CEACAM19: variants seen among roughly 807,000 people sequenced by gnomAD.
The protein encoded by CEACAM19 is cell adhesion molecule CEACAM19.
CEACAM19 carries 37 observed loss-of-function variants against 37.6 expected under a neutral mutation model. The ratio of observed to expected loss-of-function variants is 0.98; its 90% CI spans 0.76 to 1.29. The LOEUF (loss-of-function observed/expected upper bound fraction) is 1.29. Ranked by LOEUF, CEACAM19 falls within the 50% of genes most tolerant of loss-of-function variation. CEACAM19 has a pLI of 0.00. For synonymous variants in CEACAM19, 140 were observed against 149.8 expected (o/e 0.93, Z 0.48); for missense variants, 340 against 375.6 (o/e 0.91, Z 0.78).
chr19:44,669,727 C>T (rs1599784720), upstream of CEACAM19, among the ~76,000 whole-genome samples: 1 of 152,248 alleles, frequency 6.6e-6, no homozygotes, highest in African/African-American at 2.4e-5. Flanking sequence ...TCTACTCTTA[C>T]TCCAGGTCTC....
chr19:44,683,055 A>ACTCTCT (rs3028346), intron 7 of CEACAM19: 311 of 150,946 alleles, frequency 2.1e-3, no homozygotes, highest in African/African-American at 7.4e-3. Flanking sequence ...CCTTTCTTGG[A>ACTCTCT]CTCTCTCTCT....
chr19:44,666,702 C>T (rs1407731692), upstream of CEACAM19, among the ~76,000 whole-genome samples: 2 of 151,978 alleles, frequency 1.3e-5, no homozygotes, highest in African/African-American at 4.8e-5. Flanking sequence ...CCCCACGAAC[C>T]CAGCATGAAA....
chr19:44,683,055 A>ACT (rs3028346), intron 7 of CEACAM19: 5,387 of 150,562 alleles, frequency 0.036, 167 homozygotes, highest in African/African-American at 0.094. Context: ...CCTTTCTTGG[A>ACT]CTCTCTCTCT....
At position 44,672,422 on chromosome 19, in the gene CEACAM19, C is replaced by G. The variant is rs375998980; in HGVS notation, c.56-174C>G. 4 of 651,964 alleles carry G rather than the reference C, an allele frequency of 6.1e-6. No individual in the cohort carries two copies. In the East Asian group the frequency reaches 1.2e-4, roughly 19 times the overall value. The allele number at this position is 651,964 out of a possible 1,614,324, so 40.4% of individuals were successfully genotyped here. A position where few individuals can be genotyped will look rare whatever the true frequency, so the allele number is the denominator to read the frequency against. On this transcript the variant is annotated intron_variant, in intron 1 of 7. Coordinates refer to ENST00000358777, the MANE Select transcript of CEACAM19 (RefSeq NM_001127893.3). ...GGATGGCAAATCTGTGGTAACCATG[C>G]CTGTGTTCCCACTCCTGCACCCAGG... is the stretch of plus-strand genomic sequence containing the variant.
Position 44,672,784 on chromosome 19 carries a change from C to G in CEACAM19, c.244C>G (p.Pro82Ala). The change falls in exon 2 of 8, where the codon CCT (proline) becomes GCT (alanine). Residue 82 changes from proline (P) to alanine (A), a missense_variant. Pro to Ala is a conservative substitution (Grantham distance 27, BLOSUM62 -1). Coordinates refer to ENST00000358777, the MANE Select transcript of CEACAM19 (RefSeq NM_001127893.3). ...YGGTRLFTYIPGIQRPQRDGS... is the reference protein window; with the variant it reads ...YGGTRLFTYIAGIQRPQRDGS... ...AGGCACGAGGCTATTTACCTACATC[C>G]CTGGGATACAACGGCCTCAGAGGGA... 1.3e-6 allele frequency: 2 copies of G among 1,584,262 alleles called. No individual in the cohort carries two copies. Among genetic ancestry groups the G allele is most frequent in the Non-Finnish European group, 1.7e-6 (2 of 1,164,644 alleles).
chr19:44,667,717 A>G (rs1450874278), upstream of CEACAM19, among the ~76,000 whole-genome samples: 2 of 76,726 alleles, frequency 2.6e-5, no homozygotes, highest in Non-Finnish European at 4.4e-5. Flanking sequence ...ATAAATATAT[A>G]TAAATTATAT....
upstream of CEACAM19, among the ~76,000 whole-genome samples, chr19:44,668,034 AT>A (rs1244875465): frequency 1.2e-5 from 1 of 85,584 alleles, no homozygotes; most frequent in African/African-American, 4.8e-5. Context: ...TATATATTAT[AT>A]ATTTATATGT....
chr19:44,676,336 A>AT lies in CEACAM19; in HGVS notation c.492dup (p.Gly165TrpfsTer70). The AT allele has an allele frequency of 6.2e-7, 1 of 1,614,084 alleles. No homozygotes were observed. On this transcript the variant is annotated frameshift_variant, in exon 3 of 8. Coordinates refer to ENST00000358777, the MANE Select transcript of CEACAM19 (RefSeq NM_001127893.3). LOFTEE classifies it high-confidence loss of function. ...CGCTGGGATCCTGGCGGCCACCATC[A>AT]TTGGATCTCTTGCTGCCGGGGCCCT...
upstream of CEACAM19, among the ~76,000 whole-genome samples, chr19:44,667,591 AT>A (rs1436809373): frequency 2.1e-4 from 23 of 110,256 alleles, 1 homozygote; most frequent in South Asian, 4.7e-3. Flanking sequence ...ATATGTATAT[AT>A]TTTTATATAT....
At chr19:44,672,471 G>T in intron 1 of CEACAM19, 125 bp from the exon 2 acceptor site, 1 of 1,066,166 alleles carries the variant, frequency 9.4e-7, no homozygotes. Flanking sequence ...ATCAATCCCA[G>T]CATTGTTTCC....
At chr19:44,679,630 T>C (rs1974018020) in intron 4 of CEACAM19, among the ~76,000 whole-genome samples, 1 of 152,124 alleles carries the variant, frequency 6.6e-6, no homozygotes, top group African/African-American at 2.4e-5. Flanking sequence ...GTGCCTGTAG[T>C]CCCAGCTACT....
intron 5 of CEACAM19, 69 bp from the exon 6 acceptor site, chr19:44,681,158 T>G: frequency 9.9e-7 from 1 of 1,008,340 alleles, no homozygotes; most frequent in Non-Finnish European, 1.6e-6. Flanking sequence ...TAAATGAATG[T>G]CAACAGGCAG....
intron 3 of CEACAM19, 140 bp from the exon 4 acceptor site, chr19:44,678,713 T>A (rs1205552633): frequency 1.1e-5 from 14 of 1,243,066 alleles, no homozygotes; most frequent in Non-Finnish European, 1.4e-5. Context: ...GCCCAATTAC[T>A]ATTTTTTTAC....
At chr19:44,679,550 C>G (rs1974016453) in intron 4 of CEACAM19, among the ~76,000 whole-genome samples, 1 of 152,086 alleles carries the variant, frequency 6.6e-6, no homozygotes, top group African/African-American at 2.4e-5. Context: ...GAAATCGAGA[C>G]CATCCTGGCT....
At chr19:44,681,822 C>T (rs1162869867) in intron 6 of CEACAM19, among the ~76,000 whole-genome samples, 1 of 151,140 alleles carries the variant, frequency 6.6e-6, no homozygotes, top group Non-Finnish European at 1.5e-5. Context: ...CCCAGTTACT[C>T]GGGAGGCTGA....
chr19:44,683,355 C>G (rs1599794971), intron 7 of CEACAM19, 82 bp from the exon 8 acceptor site: 1 of 622,274 alleles, frequency 1.6e-6, no homozygotes, highest in Non-Finnish European at 2.9e-6. Flanking sequence ...CACGCTGTCT[C>G]TCATCCTCTG....
At chr19:44,666,605 G>A (rs1367365159), upstream of CEACAM19, among the ~76,000 whole-genome samples, 1 of 152,184 alleles carries the variant, frequency 6.6e-6, no homozygotes, top group Non-Finnish European at 1.5e-5. Context: ...GGGAGGTGGA[G>A]GTTGCAGTGA....
At chr19:44,668,788 AAT>A (rs1448063477), upstream of CEACAM19, among the ~76,000 whole-genome samples, 4 of 105,522 alleles carry the variant, frequency 3.8e-5, no homozygotes, top group East Asian at 2.3e-4. Flanking sequence ...AATTATATAT[AAT>A]ATATATTATA....
upstream of CEACAM19, among the ~76,000 whole-genome samples, chr19:44,668,534 ATAT>A (rs1317883882): frequency 2.1e-5 from 1 of 47,682 alleles, no homozygotes; most frequent in African/African-American, 1.2e-4. Flanking sequence ...AATATATAAT[ATAT>A]GTATATAATT....
Sources: allele counts gnomAD v4.1 joint callset (sites outside exome capture counted in the v4.1 genomes callset), GRCh38; gene constraint gnomAD v4.1.1; transcripts MANE v1.5; gene names NCBI Gene and HGNC (gene_info 2026-07-23, HGNC 2026-07-21).